The following RBMS1 variants were observed in gnomAD, a reference collection of about 807,000 sequenced individuals.
The protein encoded by RBMS1 is RNA binding motif single stranded interacting protein 1, also known as RNA-binding motif, single-stranded-interacting protein 1.
A neutral mutation model predicts 62.3 loss-of-function variants in RBMS1; 17 were observed. The ratio of observed to expected loss-of-function variants is 0.27; its 90% CI spans 0.19 to 0.41. The LOEUF (loss-of-function observed/expected upper bound fraction) is 0.41, where lower values mean the gene tolerates loss of function less well. RBMS1 is among the 10% of genes least tolerant of loss of function. The probability of loss-of-function intolerance (pLI) is 1.00; values close to 1 mark genes in which losing one functional copy is unlikely to be tolerated. For synonymous variants in RBMS1, 172 were observed against 170.0 expected, an observed-to-expected ratio of 1.01 and a Z score of -0.09; for missense variants, 334 against 504.5, an observed-to-expected ratio of 0.66 and a Z score of 3.24.
chr2:160,383,402 C>T (rs1694384868), intron 1 of RBMS1, among the ~76,000 whole-genome samples: 2 of 151,118 alleles, frequency 1.3e-5, no homozygotes, highest in African/African-American at 4.9e-5. Flanking sequence ...TAATTACAAC[C>T]ACCCTATTTC....
At chr2:160,416,241 A>C (rs1201145246) in intron 1 of RBMS1, 1 of 151,816 alleles carries the variant, frequency 6.6e-6, no homozygotes, top group Non-Finnish European at 1.5e-5. Context: ...TCCTAATTCC[A>C]AACTGTAAAA....
chr2:160,431,794 T>G (rs1682906597), intron 1 of RBMS1, among the ~76,000 whole-genome samples: 1 of 152,170 alleles, frequency 6.6e-6, no homozygotes, highest in South Asian at 2.1e-4. Context: ...TCCAACTTAT[T>G]CTTCAAGGCT....
intron 2 of RBMS1, among the ~76,000 whole-genome samples, chr2:160,333,331 T>C (rs1691384600): frequency 6.6e-6 from 1 of 152,218 alleles, no homozygotes; most frequent in Admixed American, 6.5e-5. Context: ...GTACAATAAA[T>C]GATACAGTCC....
chr2:160,306,911 T>C (rs570575632), intron 4 of RBMS1, among the ~76,000 whole-genome samples: 1 of 152,152 alleles, frequency 6.6e-6, no homozygotes, highest in East Asian at 1.9e-4. Flanking sequence ...CAATGCTATG[T>C]GTGAAAAAAA....
At chr2:160,450,047 C>T in intron 1 of RBMS1, among the ~76,000 whole-genome samples, 1 of 152,260 alleles carries the variant, frequency 6.6e-6, no homozygotes, top group East Asian at 1.9e-4. Flanking sequence ...TTTCTCACCC[C>T]CTCCACTCTG....
chr2:160,406,018 T>C (rs1387002214), intron 1 of RBMS1, among the ~76,000 whole-genome samples: 1 of 152,226 alleles, frequency 6.6e-6, no homozygotes, highest in Non-Finnish European at 1.5e-5. Context: ...TGAAGCCACA[T>C]GAAATGACTT....
intron 1 of RBMS1, among the ~76,000 whole-genome samples, chr2:160,474,691 C>G (rs1685054918): frequency 6.6e-6 from 1 of 152,160 alleles, no homozygotes; most frequent in Admixed American, 6.5e-5. Flanking sequence ...TCATTTCAAA[C>G]ATTTGTCATA....
intron 2 of RBMS1, among the ~76,000 whole-genome samples, chr2:160,345,874 G>A (rs1424182659): frequency 6.6e-6 from 1 of 152,082 alleles, no homozygotes; most frequent in Non-Finnish European, 1.5e-5. Context: ...ACTTAAAGAA[G>A]GTTGGATACC....
chr2:160,315,529 CTA>C lies in RBMS1; in HGVS notation c.311-2284_311-2283del, dbSNP rs1433423881. Among the ~76,000 whole-genome samples the C allele has an allele frequency of 2.6e-5, 4 of 152,146 alleles. No individual in the cohort carries two copies. The East Asian group carries it at 7.7e-4, about 29-fold the overall frequency. ...TGTGATGACTGAATCATGGGGCGAG[CTA>C]TGTTTTCTATTTTTGCCTTGGCCAG... On this transcript the variant is annotated intron_variant, in intron 3 of 13. Transcript: ENST00000348849.
Position 160,475,439 on chromosome 2 carries a change from C to G in RBMS1, c.75+17850G>C, listed in dbSNP as rs796071349. Among the ~76,000 whole-genome samples the G allele has an allele frequency of 5.5e-4, 84 of 152,320 alleles. 1 individual carries two copies. Among genetic ancestry groups the G allele is most frequent in the African/African-American group, 1.9e-3 (81 of 41,584 alleles). The stretch of plus-strand genomic sequence containing the variant: ...GGCTTAGTCCTTGGCTGAAGGTCAT[C>G]ACCTCTCTCAGGGAGCCCCCAGCAC... On this transcript the variant is annotated intron_variant, in intron 1 of 13. Transcript: ENST00000348849.
intron 1 of RBMS1, among the ~76,000 whole-genome samples, chr2:160,399,790 AT>A (rs946678474): frequency 6.6e-6 from 1 of 152,178 alleles, no homozygotes; most frequent in Non-Finnish European, 1.5e-5. Flanking sequence ...AGACAAAGAG[AT>A]TTTGTCTTAG....
intron 1 of RBMS1, among the ~76,000 whole-genome samples, chr2:160,377,110 G>A (rs953646193): frequency 2.6e-5 from 4 of 151,380 alleles, no homozygotes; most frequent in Non-Finnish European, 4.4e-5. Flanking sequence ...TAACATTTTC[G>A]TCCAAGATCC....
chr2:160,460,534 T>A (rs1421083137), intron 1 of RBMS1, among the ~76,000 whole-genome samples: 1 of 152,194 alleles, frequency 6.6e-6, no homozygotes, highest in Non-Finnish European at 1.5e-5. Flanking sequence ...GACCACAGGT[T>A]ATCAGCTAGC....
At chr2:160,314,232 G>A (rs946598137) in intron 3 of RBMS1, among the ~76,000 whole-genome samples, 4 of 152,124 alleles carry the variant, frequency 2.6e-5, no homozygotes, top group African/African-American at 9.7e-5. Context: ...TCAAAATAGA[G>A]AATCACAGAC....
chr2:160,325,256 GA>G (rs1690859168), intron 2 of RBMS1, among the ~76,000 whole-genome samples: 1 of 152,140 alleles, frequency 6.6e-6, no homozygotes, highest in Non-Finnish European at 1.5e-5. Context: ...CCTTAAGACA[GA>G]TGCTGATGAC....
chr2:160,372,913 G>A (rs1284762694), intron 1 of RBMS1, among the ~76,000 whole-genome samples: 2 of 152,080 alleles, frequency 1.3e-5, no homozygotes, highest in African/African-American at 4.8e-5. Context: ...TTAATGAAGA[G>A]TAAGGCCCCT....
At chr2:160,461,558 G>A (rs2105332604) in intron 1 of RBMS1, among the ~76,000 whole-genome samples, 1 of 152,290 alleles carries the variant, frequency 6.6e-6, no homozygotes, top group East Asian at 1.9e-4. Flanking sequence ...CCTCTGGAAG[G>A]AAAGCTGCGG....
intron 1 of RBMS1, among the ~76,000 whole-genome samples, chr2:160,392,866 C>T (rs951648512): frequency 6.6e-6 from 1 of 151,866 alleles, no homozygotes; most frequent in African/African-American, 2.4e-5. Flanking sequence ...CACCACACTC[C>T]AGCCCGGGCA....
At chr2:160,277,248 A>G in intron 12 of RBMS1, 55 bp downstream of exon 12, 2 of 1,415,100 alleles carry the variant, frequency 1.4e-6, no homozygotes, top group Non-Finnish European at 2.0e-6. Context: ...TATTTAATTT[A>G]CCCATTTCTG....
Sources: gnomAD v4.1 joint callset for allele counts (sites outside exome capture counted in the v4.1 genomes callset) on GRCh38, gnomAD v4.1.1 for gene constraint, MANE v1.5 for transcripts, NCBI Gene and HGNC (gene_info 2026-07-23, HGNC 2026-07-21) for gene names.